The following NDUFA10 variants were observed in gnomAD, a reference collection of about 807,000 sequenced individuals.
The protein encoded by NDUFA10 is NADH:ubiquinone oxidoreductase subunit A10.
Under a neutral mutation model 47.8 loss-of-function variants are expected in NDUFA10, and 40 were observed. The ratio of observed to expected loss-of-function variants is 0.84; its 90% CI spans 0.65 to 1.09. NDUFA10 has a LOEUF of 1.09. NDUFA10 is among the 50% of genes least tolerant of loss of function. The pLI is 0.00. For missense variants in NDUFA10, 413 were observed against 451.1 expected, an observed-to-expected ratio of 0.92 and a Z score of 0.76; for synonymous variants, 183 against 172.2, an observed-to-expected ratio of 1.06 and a Z score of -0.49.
intron 4 of NDUFA10, among the ~76,000 whole-genome samples, chr2:239,929,368 C>T (rs998853752): frequency 3.3e-5 from 5 of 152,140 alleles, no homozygotes; most frequent in African/African-American, 1.2e-4. Flanking sequence ...CTCACGAGGC[C>T]ATTTCTCTTG....
chr2:239,997,578 T>C (rs1696533573), intron 8 of NDUFA10, among the ~76,000 whole-genome samples: 1 of 152,232 alleles, frequency 6.6e-6, no homozygotes, highest in Non-Finnish European at 1.5e-5. Context: ...AATGCGTTCA[T>C]ATACTCTGAC....
intron 9 of NDUFA10, among the ~76,000 whole-genome samples, chr2:239,985,911 C>CCA (rs1695981470): frequency 1.1e-5 from 1 of 91,836 alleles, no homozygotes; most frequent in Non-Finnish European, 2.2e-5. Context: ...GATTCTGTCT[C>CCA]AAAAAAAAAA....
At chr2:240,022,541 ACTGT>A (rs1235377036) in intron 1 of NDUFA10, among the ~76,000 whole-genome samples, 22 of 151,868 alleles carry the variant, frequency 1.4e-4, no homozygotes, top group Non-Finnish European at 7.4e-5. Flanking sequence ...AGGCAGATAT[ACTGT>A]CTGTTTGTTC....
In NDUFA10 at chr2:239,987,492, C is replaced by A. The variant is rs1244930649; in HGVS notation, c.999+2582G>T. Among the ~76,000 whole-genome samples the A allele has an allele frequency of 1.3e-5, 2 of 151,502 alleles. No homozygotes were observed. The highest frequency in any genetic ancestry group is 4.9e-5 in the African/African-American group (2 of 41,206). ...ATCACATTCAAGAGTTTGAAGATAA[C>A]AGACCATCATGTTAATAACTTACCT... On this transcript the variant is annotated intron_variant, in intron 9 of 9. Coordinates refer to ENST00000252711, the MANE Select transcript of NDUFA10 (RefSeq NM_004544.4). This position sits in a 1 kb window ranked among gnomAD's most constrained non-coding sequence, Gnocchi z 4.8.
At position 239,960,012 on chromosome 2, in the gene NDUFA10, C is replaced by T. The variant is rs879404782; in HGVS notation, c.*1106G>A. ...CACAGGCGGCTGTGGAGTGCCTGAA[C>T]TATGGCCAGTGCAACCAAGGAACCC... is the stretch of plus-strand genomic sequence containing the variant. On this transcript the variant is annotated 3_prime_UTR_variant, in exon 10 of 10. Coordinates refer to ENST00000252711, the MANE Select transcript of NDUFA10 (RefSeq NM_004544.4). 2.6e-5 allele frequency: 26 copies of T among 984,812 alleles called. No individual in the cohort carries two copies. Among genetic ancestry groups the T allele is most frequent in the African/African-American group, 3.5e-5 (2 of 57,240 alleles). 61.0% of individuals were successfully genotyped at this position (984,812 alleles called of 1,614,324 possible).
intron 6 of NDUFA10, among the ~76,000 whole-genome samples, chr2:240,008,706 A>G (rs1257832433): frequency 5.3e-5 from 8 of 152,234 alleles, no homozygotes; most frequent in Admixed American, 3.3e-4. Context: ...TTCAACACAC[A>G]TAACTGAACA....
intron 9 of NDUFA10, among the ~76,000 whole-genome samples, chr2:239,977,368 C>A (rs948217022): frequency 7.9e-5 from 12 of 152,330 alleles, no homozygotes; most frequent in Non-Finnish European, 1.6e-4. Context: ...GGCCCTCTAA[C>A]TCGCCCCTGA....
At chr2:239,988,989 GCA>G (rs1234965900) in intron 9 of NDUFA10, among the ~76,000 whole-genome samples, 3 of 140,692 alleles carry the variant, frequency 2.1e-5, no homozygotes, top group South Asian at 2.3e-4. Context: ...GGGAGAAACA[GCA>G]CACACTCACA....
intron 8 of NDUFA10, among the ~76,000 whole-genome samples, chr2:240,000,978 T>G (rs1696686405): frequency 6.6e-6 from 1 of 152,210 alleles, no homozygotes; most frequent in Non-Finnish European, 1.5e-5. Flanking sequence ...AACACAGAAC[T>G]ACATACACAA....
intron 8 of NDUFA10, among the ~76,000 whole-genome samples, chr2:239,991,230 C>T (rs1696233098): frequency 1.3e-5 from 2 of 152,236 alleles, no homozygotes; most frequent in South Asian, 4.1e-4. Context: ...TGCGAACCTG[C>T]GGCAAGCTGA....
chr2:239,943,144 TCA>T (rs142336604), intron 4 of NDUFA10: 1,844 of 154,486 alleles, frequency 0.012, 39 homozygotes, highest in East Asian at 0.043. Flanking sequence ...GAGTTTCAAC[TCA>T]CAGTTATCTT....
chr2:239,931,774 G>A (rs1290400308), intron 4 of NDUFA10, among the ~76,000 whole-genome samples: 1 of 150,788 alleles, frequency 6.6e-6, no homozygotes, highest in Non-Finnish European at 1.5e-5. Flanking sequence ...CATCCCTCTG[G>A]ACAAATCACA....
chr2:239,973,799 T>G, intron 9 of NDUFA10: 2 of 347,554 alleles, frequency 5.8e-6, no homozygotes, highest in South Asian at 4.7e-5. Context: ...AGTATTTTCA[T>G]GAACTTACAC....
At chr2:239,909,129 C>T (rs13386645) in intron 4 of NDUFA10, among the ~76,000 whole-genome samples, 3 of 152,012 alleles carry the variant, frequency 2.0e-5, no homozygotes, top group Non-Finnish European at 4.4e-5. Flanking sequence ...CCTTGGCTTA[C>T]AGGCTGCTTC....
intron 4 of NDUFA10, among the ~76,000 whole-genome samples, chr2:239,932,469 G>T (rs116559045): frequency 1.3e-5 from 2 of 152,350 alleles, no homozygotes; most frequent in East Asian, 3.9e-4. Context: ...GCCCGCAGGC[G>T]TGTAGATTGC....
At chr2:239,920,615 T>C (rs1574779675) in intron 4 of NDUFA10, among the ~76,000 whole-genome samples, 2 of 152,300 alleles carry the variant, frequency 1.3e-5, no homozygotes, top group African/African-American at 4.8e-5. Flanking sequence ...CTCCTTAACT[T>C]CCCTAGAGCC....
chr2:239,959,555 A>G lies in NDUFA10; in HGVS notation c.*1563T>C, dbSNP rs963201887. Reference sequence around the variant, plus strand: ...GTTTCCTAGTGAAATGCAAAACTTCAGCCACTTAAATCTCGACTCCAATTC... The same window carrying G: ...GTTTCCTAGTGAAATGCAAAACTTCGGCCACTTAAATCTCGACTCCAATTC... On this transcript the variant is annotated 3_prime_UTR_variant, in exon 10 of 10. Transcript: ENST00000252711. The G allele has an allele frequency of 1.0e-6, 1 of 985,504 alleles. No individual in the cohort carries two copies. Among genetic ancestry groups the G allele is most frequent in the Non-Finnish European group, 1.2e-6 (1 of 829,962 alleles). 61.0% of individuals were successfully genotyped at this position (985,504 alleles called of 1,614,324 possible). A position where few individuals can be genotyped will look rare whatever the true frequency, so the allele number is the denominator to read the frequency against.
At position 239,904,841 on chromosome 2, in the gene NDUFA10, G is replaced by A. The variant is rs111760435; in HGVS notation, c.295-9527C>T. Among the ~76,000 whole-genome samples the A allele has an allele frequency of 1.4e-3, 220 of 152,286 alleles. 1 individual carries two copies. Among genetic ancestry groups the A allele is most frequent in the African/African-American group, 5.2e-3 (216 of 41,560 alleles). On this transcript the variant is annotated intron_variant, in intron 4 of 5. Transcript: ENST00000419408. ...CTTCTCCTGGAGACTTCTAGGGGAG[G>A]GTCCCTCCTGCCTCGTCCAGTGTCT...
intron 4 of NDUFA10, among the ~76,000 whole-genome samples, chr2:239,939,302 C>T (rs549939187): frequency 1.8e-3 from 277 of 152,320 alleles, no homozygotes; most frequent in Admixed American, 2.9e-3. Flanking sequence ...TCAAACCAGC[C>T]CCAGCAGGGC....
Sources: gnomAD v4.1 joint callset for allele counts (sites outside exome capture counted in the v4.1 genomes callset) on GRCh38, gnomAD v4.1.1 for gene constraint, Gnocchi (gnomAD v3.1) non-coding constraint, MANE v1.5 for transcripts, NCBI Gene and HGNC (gene_info 2026-07-23, HGNC 2026-07-21) for gene names.